BBS9: variants seen among roughly 807,000 people sequenced by gnomAD.
BBS9 encodes Bardet-Biedl syndrome 9.
A neutral mutation model predicts 117.7 loss-of-function variants in BBS9; 89 were observed. That is an observed-to-expected ratio of 0.76 (90% CI 0.64 to 0.90). The LOEUF is 0.90. Ranked by LOEUF, BBS9 falls within the 40% of genes least tolerant of loss-of-function variation. The pLI, the probability that BBS9 is intolerant of heterozygous loss-of-function variation, is 0.00. For synonymous variants in BBS9, 379 were observed against 370.9 expected (o/e 1.02, Z -0.25); for missense variants, 982 against 1,042.2 (o/e 0.94, Z 0.80).
At chr7:33,211,730 T>C (rs1458346868) in intron 5 of BBS9, among the ~76,000 whole-genome samples, 1 of 152,222 alleles carries the variant, frequency 6.6e-6, no homozygotes, top group Admixed American at 6.5e-5. Context: ...AACATCCTTT[T>C]CTTCCAGATT....
At chr7:33,223,634 T>C (rs987668411) in intron 5 of BBS9, among the ~76,000 whole-genome samples, 1 of 152,212 alleles carries the variant, frequency 6.6e-6, no homozygotes. Flanking sequence ...TAATACTCTG[T>C]ATGTTCTTCT....
chr7:33,551,411 G>T (rs1854393995), intron 21 of BBS9, among the ~76,000 whole-genome samples: 1 of 152,136 alleles, frequency 6.6e-6, no homozygotes, highest in Non-Finnish European at 1.5e-5. Context: ...ACCTGCTTTT[G>T]AAAGAGATGA....
intron 19 of BBS9, among the ~76,000 whole-genome samples, chr7:33,427,703 A>G (rs555530107): frequency 3.0e-4 from 46 of 152,284 alleles, no homozygotes; most frequent in African/African-American, 1.0e-3. Flanking sequence ...GTAATCATTC[A>G]TATTATTCAG....
chr7:33,408,527 C>T (rs566915116), intron 19 of BBS9, among the ~76,000 whole-genome samples: 7 of 152,306 alleles, frequency 4.6e-5, no homozygotes, highest in South Asian at 4.1e-4. Flanking sequence ...CTGTCTTCTG[C>T]GTCGCTCACG....
chr7:33,425,101 C>T (rs375980219), intron 19 of BBS9, among the ~76,000 whole-genome samples: 7 of 152,092 alleles, frequency 4.6e-5, no homozygotes, highest in African/African-American at 1.4e-4. Flanking sequence ...ACAGTAAACA[C>T]ATAGAAGAGT....
intron 21 of BBS9, among the ~76,000 whole-genome samples, chr7:33,556,320 A>G (rs911217845): frequency 9.2e-5 from 14 of 152,178 alleles, no homozygotes; most frequent in African/African-American, 2.9e-4. Context: ...ATATTATTTA[A>G]CCACGCCTCA....
chr7:33,527,075 G>C (rs530962178), intron 20 of BBS9, among the ~76,000 whole-genome samples: 14 of 151,844 alleles, frequency 9.2e-5, no homozygotes, highest in Non-Finnish European at 1.8e-4. Context: ...TCAGGGGTCA[G>C]GCACCCACTT....
intron 21 of BBS9, among the ~76,000 whole-genome samples, chr7:33,538,345 T>G (rs759084499): frequency 6.6e-6 from 1 of 152,214 alleles, no homozygotes; most frequent in Non-Finnish European, 1.5e-5. Flanking sequence ...ACCCAGGAAT[T>G]AGCATTTTGT....
chr7:33,598,651 C>T (rs1029486228), intron 21 of BBS9, among the ~76,000 whole-genome samples: 127 of 152,240 alleles, frequency 8.3e-4, no homozygotes, highest in African/African-American at 2.9e-3. Flanking sequence ...TGAAACTATT[C>T]TAAAAAATAA....
At chr7:33,230,470 A>G (rs988809122) in intron 5 of BBS9, among the ~76,000 whole-genome samples, 2 of 152,202 alleles carry the variant, frequency 1.3e-5, no homozygotes, top group Admixed American at 6.5e-5. Context: ...GCTTACATGG[A>G]TGAATTGTAT....
intron 18 of BBS9, among the ~76,000 whole-genome samples, chr7:33,385,920 A>C (rs1171508379): frequency 6.6e-6 from 1 of 151,996 alleles, no homozygotes; most frequent in East Asian, 1.9e-4. Flanking sequence ...TTAGCTACTG[A>C]GTGCTTCTAA....
intron 19 of BBS9, among the ~76,000 whole-genome samples, chr7:33,467,521 G>A (rs1840353240): frequency 6.6e-6 from 1 of 150,650 alleles, no homozygotes; most frequent in South Asian, 2.1e-4. Flanking sequence ...TTTCGCTAAT[G>A]CCCTCTCCTT....
chr7:33,219,832 C>T (rs895427712), intron 5 of BBS9, among the ~76,000 whole-genome samples: 2 of 152,184 alleles, frequency 1.3e-5, no homozygotes, highest in Non-Finnish European at 2.9e-5. Flanking sequence ...TCCCCTTCCA[C>T]ACTGTGGAAA....
At chr7:33,349,034 A>T in intron 12 of BBS9, 34 bp from the exon 13 acceptor site, 1 of 1,399,358 alleles carries the variant, frequency 7.1e-7, no homozygotes, top group Non-Finnish European at 1.0e-6. Context: ...AATAAAATGT[A>T]ATTTTCTATT....
intron 21 of BBS9, among the ~76,000 whole-genome samples, chr7:33,576,990 A>G (rs1192907161): frequency 2.6e-5 from 4 of 152,224 alleles, no homozygotes; most frequent in Non-Finnish European, 5.9e-5. Context: ...GGACATAGGT[A>G]TGGGCAAGGA....
chr7:33,230,200 A>G (rs1044575248), intron 5 of BBS9, among the ~76,000 whole-genome samples: 6 of 152,100 alleles, frequency 3.9e-5, no homozygotes, highest in Non-Finnish European at 8.8e-5. Flanking sequence ...CCCAGCCTGT[A>G]GGCTACCATT....
chr7:33,198,543 CT>C (rs1172940639), intron 5 of BBS9, among the ~76,000 whole-genome samples: 1 of 151,846 alleles, frequency 6.6e-6, no homozygotes, highest in African/African-American at 2.4e-5. Flanking sequence ...AGAAAAAAGA[CT>C]TTAGAAAGAA....
intron 4 of BBS9, among the ~76,000 whole-genome samples, chr7:33,162,736 C>T (rs149096579): frequency 0.012 from 1,873 of 152,128 alleles, 49 homozygotes; most frequent in African/African-American, 0.044. Context: ...TGGGCTGAGA[C>T]GATGGGGTTT....
intron 9 of BBS9, among the ~76,000 whole-genome samples, chr7:33,310,289 T>G (rs71532570): frequency 1.3e-5 from 2 of 152,240 alleles, no homozygotes; most frequent in Non-Finnish European, 2.9e-5. Context: ...TCTATCTTTG[T>G]CTTGTTTTTT....
Sources: gnomAD v4.1 joint callset for allele counts (sites outside exome capture counted in the v4.1 genomes callset) on GRCh38, gnomAD v4.1.1 for gene constraint, MANE v1.5 for transcripts, NCBI Gene and HGNC (gene_info 2026-07-23, HGNC 2026-07-21) for gene names.